Variants in DACH2 observed in about 807,000 individuals in gnomAD.
DACH2 encodes dachshund family transcription factor 2.
Under a neutral mutation model 35.8 loss-of-function variants are expected in DACH2, and 17 were observed. That is an observed-to-expected ratio of 0.48 (90% CI 0.33 to 0.71). The LOEUF (loss-of-function observed/expected upper bound fraction) is 0.71. Among genes scored for constraint, DACH2 ranks in the 30% least tolerant of loss-of-function variants. The pLI, the probability that DACH2 is intolerant of heterozygous loss-of-function variation, is 0.02. For missense variants in DACH2, 469 were observed against 472.7 expected (o/e 0.99, Z 0.07); for synonymous variants, 195 against 177.3 (o/e 1.10, Z -0.79).
chrX:86,536,481 C>G (rs145823288), intron 3 of DACH2, among the ~76,000 whole-genome samples: 1 of 112,197 alleles, frequency 8.9e-6, no homozygotes, highest in Non-Finnish European at 1.9e-5. Flanking sequence ...GAGAGTCTGA[C>G]AAGAGGACAT....
intron 1 of DACH2, among the ~76,000 whole-genome samples, chrX:86,368,483 T>C (rs1220226845): frequency 4.5e-5 from 5 of 111,099 alleles, no homozygotes; most frequent in Non-Finnish European, 7.6e-5. Flanking sequence ...ATGGGATCAG[T>C]ATGCAAACTG....
At chrX:86,354,941 G>T (rs1027099197) in intron 1 of DACH2, among the ~76,000 whole-genome samples, 2 of 111,489 alleles carry the variant, frequency 1.8e-5, no homozygotes, top group African/African-American at 6.5e-5. Flanking sequence ...TATGTTTAGA[G>T]GGTATATGTG....
chrX:86,642,503 G>A (rs1294565804), intron 3 of DACH2, among the ~76,000 whole-genome samples: 5 of 111,392 alleles, frequency 4.5e-5, no homozygotes, highest in Non-Finnish European at 9.4e-5. Context: ...CACAGAATAA[G>A]AGTGGGAGAC....
chrX:86,441,025 T>C (rs1015650794), intron 2 of DACH2, among the ~76,000 whole-genome samples: 1 of 110,940 alleles, frequency 9.0e-6, no homozygotes, highest in Non-Finnish European at 1.9e-5. Flanking sequence ...ACCACTATTC[T>C]ACTCTCTTCT....
intron 6 of DACH2, 56 bp downstream of exon 6, chrX:86,714,776 A>G: frequency 1.9e-6 from 2 of 1,030,840 alleles, no homozygotes; most frequent in Non-Finnish European, 2.6e-6. Context: ...AAATTTTGAT[A>G]AAATATTTAC....
intron 2 of DACH2, among the ~76,000 whole-genome samples, chrX:86,505,107 A>G (rs2038304602): frequency 8.9e-6 from 1 of 111,773 alleles, no homozygotes. Flanking sequence ...GAGTGTTGGT[A>G]GTTCTAGTAT....
chrX:86,681,594 C>CCT (rs113903178), intron 4 of DACH2, among the ~76,000 whole-genome samples: 16,855 of 96,497 alleles, frequency 0.17, 1,321 homozygotes, highest in Admixed American at 0.32. Flanking sequence ...TCTCTTTCTC[C>CCT]CTCTCTCTCT....
chrX:86,521,646 C>G (rs1000754613), intron 3 of DACH2, among the ~76,000 whole-genome samples: 1 of 111,517 alleles, frequency 9.0e-6, no homozygotes, highest in African/African-American at 3.3e-5. Flanking sequence ...CTAGACAAAA[C>G]GTTGAGTGAG....
chrX:86,721,156 G>A (rs1260578328), intron 6 of DACH2, among the ~76,000 whole-genome samples: 2 of 112,302 alleles, frequency 1.8e-5, no homozygotes, highest in Non-Finnish European at 3.8e-5. Context: ...ACATGCCCTG[G>A]AGGCATTTTC....
At chrX:86,505,934 T>A (rs2148262129) in intron 2 of DACH2, among the ~76,000 whole-genome samples, 1 of 112,141 alleles carries the variant, frequency 8.9e-6, no homozygotes, top group African/African-American at 3.2e-5. Context: ...TCTCTAATCC[T>A]AATGTGGTAA....
chrX:86,196,147 T>C (rs2031976268), intron 1 of DACH2, among the ~76,000 whole-genome samples: 1 of 111,369 alleles, frequency 9.0e-6, no homozygotes. Flanking sequence ...ATCATTGAGA[T>C]GCAAGAGTAC....
chrX:86,528,923 AT>A (rs749906883), intron 3 of DACH2, among the ~76,000 whole-genome samples: 1 of 112,450 alleles, frequency 8.9e-6, no homozygotes, highest in African/African-American at 3.2e-5. Context: ...AGTATTTATC[AT>A]TTCTATGTGT....
At chrX:86,784,963 C>T (rs2042123126) in intron 7 of DACH2, among the ~76,000 whole-genome samples, 1 of 110,559 alleles carries the variant, frequency 9.0e-6, no homozygotes, top group African/African-American at 3.3e-5. Flanking sequence ...ACAGCAGACA[C>T]CAGTGCCTGC....
intron 1 of DACH2, among the ~76,000 whole-genome samples, chrX:86,164,412 T>C (rs1308061730): frequency 1.8e-5 from 2 of 112,048 alleles, no homozygotes; most frequent in Non-Finnish European, 3.8e-5. Flanking sequence ...TAGTTTCTTT[T>C]GCTGTGCAGA....
intron 1 of DACH2, among the ~76,000 whole-genome samples, chrX:86,158,658 A>G (rs1461197009): frequency 9.1e-6 from 1 of 110,348 alleles, no homozygotes. Flanking sequence ...GACCATACAG[A>G]CTACCATCAT....
At chrX:86,308,570 A>AT (rs960173767) in intron 1 of DACH2, among the ~76,000 whole-genome samples, 1 of 112,069 alleles carries the variant, frequency 8.9e-6, no homozygotes, top group African/African-American at 3.2e-5. Flanking sequence ...CCCTTAATCA[A>AT]TTTCCAGACT....
chrX:86,702,279 T>C (rs2041153769), intron 5 of DACH2, among the ~76,000 whole-genome samples: 1 of 110,766 alleles, frequency 9.0e-6, no homozygotes, highest in Admixed American at 9.7e-5. Context: ...AGAAAAATAG[T>C]GTCAAGAGGA....
chrX:86,614,400 A>G (rs1319351899), intron 3 of DACH2, among the ~76,000 whole-genome samples: 2 of 111,548 alleles, frequency 1.8e-5, no homozygotes, highest in Non-Finnish European at 3.8e-5. Flanking sequence ...AAAATATAAT[A>G]TTGTGACCAT....
intron 6 of DACH2, among the ~76,000 whole-genome samples, chrX:86,723,331 C>T (rs1438793334): frequency 2.7e-5 from 1 of 37,422 alleles, no homozygotes; most frequent in African/African-American, 1.4e-4. Context: ...ATTCCTTCTG[C>T]TAATTTTTTT....
Sources: gnomAD v4.1 joint callset for allele counts (sites outside exome capture counted in the v4.1 genomes callset) on GRCh38, gnomAD v4.1.1 for gene constraint, MANE v1.5 for transcripts, NCBI Gene and HGNC (gene_info 2026-07-23, HGNC 2026-07-21) for gene names.